Variants in OCIAD2 observed in about 807,000 individuals in gnomAD.
OCIAD2 encodes OCIA domain-containing protein 2.
In OCIAD2, 29 loss-of-function variants were observed where a neutral mutation model predicts 22.9. The observed-to-expected ratio is 1.27, with a 90% confidence interval of 0.94 to 1.73. The LOEUF (loss-of-function observed/expected upper bound fraction) is 1.73, where lower values mean the gene tolerates loss of function less well. Ranked by LOEUF, OCIAD2 falls within the 40% of genes most tolerant of loss-of-function variation. The pLI, the probability that OCIAD2 is intolerant of heterozygous loss-of-function variation, is 0.00. For missense variants in OCIAD2, 189 were observed against 180.3 expected (o/e 1.05, Z -0.28); for synonymous variants, 67 against 60.2 (o/e 1.11, Z -0.52).
chr4:48,892,767 C>A lies in OCIAD2; in HGVS notation c.383+5G>T, dbSNP rs541100436. On this transcript the variant is annotated splice_donor_5th_base_variant and intron_variant, in intron 6 of 6. Transcript: ENST00000508632. ...TACAATCCCTCAACCAAACAGATTACAAACCTGTTATGCTGTGGACCAAAA... is the reference window on the plus strand; with the variant it reads ...TACAATCCCTCAACCAAACAGATTAAAAACCTGTTATGCTGTGGACCAAAA... The A allele has an allele frequency of 2.5e-5, 37 of 1,455,804 alleles. No homozygotes were observed. In the South Asian group the frequency reaches 4.1e-4, roughly 16 times the overall value. The allele number at this position is 1,455,804 out of a possible 1,614,324, so 90.2% of individuals were successfully genotyped here. A position where few individuals can be genotyped will look rare whatever the true frequency, so the allele number is the denominator to read the frequency against.
At chr4:48,893,859 A>T (rs887597274) in intron 5 of OCIAD2, 147 bp downstream of exon 5, 18 of 372,218 alleles carry the variant, frequency 4.8e-5, no homozygotes, top group Non-Finnish European at 8.4e-5. Context: ...TACTTTTTAA[A>T]AAAATAGATA....
At chr4:48,906,447 G>T (rs552552371) in intron 1 of OCIAD2, among the ~76,000 whole-genome samples, 79 of 152,290 alleles carry the variant, frequency 5.2e-4, no homozygotes, top group Admixed American at 4.7e-3. Context: ...CAGCCTACTG[G>T]AGTCCGCTGC....
rs188260947 is a variant in OCIAD2, at chr4:48,885,622, C to T, written c.384-57G>A. On this transcript the variant is annotated intron_variant, in intron 6 of 6. Transcript: ENST00000508632. ...GTACTTTGACACTGGAAGCCCTAGT[C>T]TTTACATAACATATTATTCTTATTA... is the stretch of plus-strand genomic sequence containing the variant. The T allele has an allele frequency of 4.2e-3, 3,525 of 838,718 alleles. 18 individuals carry two copies. The highest frequency in any genetic ancestry group is 4.0e-3 in the Non-Finnish European group (1,971 of 488,526). The allele number at this position is 838,718 out of a possible 1,614,324, so 52.0% of individuals were successfully genotyped here.
Position 48,885,558 on chromosome 4 carries a change from G to A in OCIAD2, c.391C>T (p.Leu131Phe), listed in dbSNP as rs1221368973. 1.2e-6 allele frequency: 2 copies of A among 1,601,154 alleles called. No individual in the cohort carries two copies. The highest frequency in any genetic ancestry group is 1.1e-5 in the South Asian group (1 of 90,784). Residue 131 changes from leucine to phenylalanine, a missense_variant, in exon 7 of 7, where the codon CTC (leucine) becomes TTC (phenylalanine). By Grantham distance (22) the Leu-to-Phe change is conservative. Coordinates refer to ENST00000508632, the MANE Select transcript of OCIAD2 (RefSeq NM_001014446.3). ...GFGPQHNRHC[L>F]LTCEECKIKH... ...ATTTTGCATTCCTCACAGGTAAGGAGGCAGTGCCTAGAAGAGAAGCAAAAA... is the reference window on the plus strand; with the variant it reads ...ATTTTGCATTCCTCACAGGTAAGGAAGCAGTGCCTAGAAGAGAAGCAAAAA...
chr4:48,894,868 A>G (rs1781268388), intron 4 of OCIAD2, among the ~76,000 whole-genome samples: 1 of 152,182 alleles, frequency 6.6e-6, no homozygotes, highest in Non-Finnish European at 1.5e-5. Flanking sequence ...CCACATCCGA[A>G]TTCCTGGAAA....
In OCIAD2 at chr4:48,889,249, C is replaced by T. The variant is rs557658108; in HGVS notation, c.383+3523G>A. On this transcript the variant is annotated intron_variant, in intron 6 of 6. Coordinates refer to ENST00000508632, the MANE Select transcript of OCIAD2 (RefSeq NM_001014446.3). The stretch of plus-strand genomic sequence containing the variant: ...TCTCTTTTCTTCTTTATTAGTCTTG[C>T]TAGCAGTCAATCAATTTTGTTGATG... 4.7e-3 allele frequency among the ~76,000 whole-genome samples: 709 copies of T among 152,176 alleles called. 9 individuals are homozygous for T. The highest frequency in any genetic ancestry group is 0.016 in the African/African-American group (653 of 41,516).
rs1560460677 is a variant in OCIAD2 at position 48,899,836 on chromosome 4, C to T, written c.156G>A (p.Trp52Ter). 1 of 1,612,056 alleles carries T rather than the reference C, an allele frequency of 6.2e-7. No individual in the cohort carries two copies. The highest frequency in any genetic ancestry group is 8.5e-7 in the Non-Finnish European group (1 of 1,178,792). The change falls in exon 3 of 7, where the codon TGG becomes TGA. Residue 52 changes from tryptophan to a stop codon, truncating the protein, a stop_gained. Transcript: ENST00000508632. LOFTEE classifies it high-confidence loss of function. ...IMRECQEESF[W>*]KRALPFSLVS... ...AGTGTTAGGTGCAATTACCTCTCTT[C>T]CAGAAACTTTCTTCCTGACATTCTC...
In OCIAD2 at chr4:48,906,335, G is replaced by A. The variant is rs191698751; in HGVS notation, c.-63+323C>T. 2.0e-5 allele frequency among the ~76,000 whole-genome samples: 3 copies of A among 152,304 alleles called. No homozygotes were observed. The East Asian group carries it at 5.8e-4, about 29-fold the overall frequency. Reference sequence around the variant, plus strand: ...GAGGAGGGCGCGCCCCAGCATGGGGGGCGGGGGTGCTTCTTAGGATGGCTT... The same window carrying A: ...GAGGAGGGCGCGCCCCAGCATGGGGAGCGGGGGTGCTTCTTAGGATGGCTT... On this transcript the variant is annotated intron_variant, in intron 1 of 6. Coordinates refer to ENST00000508632, the MANE Select transcript of OCIAD2 (RefSeq NM_001014446.3).
At chr4:48,892,377 G>A (rs746327120) in intron 6 of OCIAD2, among the ~76,000 whole-genome samples, 4 of 152,056 alleles carry the variant, frequency 2.6e-5, no homozygotes, top group South Asian at 2.1e-4. Context: ...CTCCAAAGTC[G>A]TACTGCCTAT....
Position 48,885,146 on chromosome 4 carries a change from G to A in OCIAD2, c.*338C>T, listed in dbSNP as rs774743122. 2.8e-5 allele frequency: 5 copies of A among 180,872 alleles called. No individual in the cohort carries two copies. The highest frequency in any genetic ancestry group is 5.8e-5 in the Non-Finnish European group (5 of 86,736). 11.2% of individuals were successfully genotyped at this position (180,872 alleles called of 1,614,324 possible). A position where few individuals can be genotyped will look rare whatever the true frequency, so the allele number is the denominator to read the frequency against. ...TGGGATTACAGGCATGTGCCACCAC[G>A]CCTGGCTAATTTTTATATTTTTAGC... On this transcript the variant is annotated 3_prime_UTR_variant, in exon 7 of 7. Transcript: ENST00000508632.
intron 2 of OCIAD2, among the ~76,000 whole-genome samples, chr4:48,901,201 G>T (rs1377508480): frequency 6.6e-6 from 1 of 151,772 alleles, no homozygotes; most frequent in Non-Finnish European, 1.5e-5. Context: ...CACCCATGTT[G>T]CTGTATTCAT....
intron 3 of OCIAD2, among the ~76,000 whole-genome samples, chr4:48,898,718 A>G (rs567573271): frequency 2.0e-4 from 30 of 152,186 alleles, no homozygotes; most frequent in Non-Finnish European, 3.4e-4. Context: ...TAAAGATTAC[A>G]AGATGACTAT....
intron 2 of OCIAD2, among the ~76,000 whole-genome samples, chr4:48,903,093 T>G (rs1781450190): frequency 6.6e-6 from 1 of 152,250 alleles, no homozygotes; most frequent in Non-Finnish European, 1.5e-5. Flanking sequence ...GCCTAAACTT[T>G]GCTCCTTAAA....
At position 48,885,208 on chromosome 4, in the gene OCIAD2, T is replaced by C; in HGVS notation, c.*276A>G. 3.4e-6 allele frequency: 1 copy of C among 295,524 alleles called. No individual in the cohort carries two copies. The highest frequency in any genetic ancestry group is 6.4e-5 in the South Asian group (1 of 15,682). 18.3% of individuals were successfully genotyped at this position (295,524 alleles called of 1,614,324 possible). ...TTCACCATGTTGGCCAAGCTGGTCATGAACTCCTGACCTCAAATGATCTGC... is the reference window on the plus strand; with the variant it reads ...TTCACCATGTTGGCCAAGCTGGTCACGAACTCCTGACCTCAAATGATCTGC... On this transcript the variant is annotated 3_prime_UTR_variant, in exon 7 of 7. Transcript: ENST00000508632.
chr4:48,898,928 C>T (rs1781359064), intron 3 of OCIAD2, among the ~76,000 whole-genome samples: 1 of 152,098 alleles, frequency 6.6e-6, no homozygotes, highest in Non-Finnish European at 1.5e-5. Context: ...CATAGCTACC[C>T]CATAGTGGGC....
At chr4:48,893,171 T>C (rs1781221979) in intron 5 of OCIAD2, 2 of 206,964 alleles carry the variant, frequency 9.7e-6, no homozygotes, top group East Asian at 1.1e-4. Flanking sequence ...AAGCAAACGG[T>C]TGAGGCCACG....
chr4:48,889,370 G>T (rs142427946), intron 6 of OCIAD2, among the ~76,000 whole-genome samples: 1 of 151,988 alleles, frequency 6.6e-6, no homozygotes, highest in African/African-American at 2.4e-5. Flanking sequence ...ATTTGACAAA[G>T]GGCTAATATC....
chr4:48,896,964 A>G (rs986475818), intron 4 of OCIAD2, among the ~76,000 whole-genome samples: 2 of 152,146 alleles, frequency 1.3e-5, no homozygotes, highest in African/African-American at 4.8e-5. Context: ...GGGAGAGGTT[A>G]TGTGGTGAGA....
chr4:48,892,759 A>C lies in OCIAD2; in HGVS notation c.383+13T>G, dbSNP rs761270630. 7.5e-7 allele frequency: 1 copy of C among 1,339,416 alleles called. No homozygotes were observed. Among genetic ancestry groups the C allele is most frequent in the African/African-American group, 1.5e-5 (1 of 68,546 alleles). The allele number at this position is 1,339,416 out of a possible 1,614,324, so 83.0% of individuals were successfully genotyped here. A position where few individuals can be genotyped will look rare whatever the true frequency, so the allele number is the denominator to read the frequency against. On this transcript the variant is annotated intron_variant, in intron 6 of 6. Transcript: ENST00000508632. ...AATTACATTACAATCCCTCAACCAA[A>C]CAGATTACAAACCTGTTATGCTGTG...
Sources: gnomAD v4.1 joint callset for allele counts (sites outside exome capture counted in the v4.1 genomes callset) on GRCh38, gnomAD v4.1.1 for gene constraint, MANE v1.5 for transcripts, NCBI Gene and HGNC (gene_info 2026-07-23, HGNC 2026-07-21) for gene names.